Variants in IFIT1 observed in about 807,000 individuals in gnomAD.
IFIT1 encodes the protein interferon induced protein with tetratricopeptide repeats 1.
A neutral mutation model predicts 2.5 loss-of-function variants in IFIT1; 1 was observed. That is an observed-to-expected ratio of 0.40 (90% CI 0.14 to 1.92). The LOEUF is 1.92. Among genes scored for constraint, IFIT1 ranks in the 40% most tolerant of loss-of-function variants. IFIT1 has a pLI of 0.31. For missense variants in IFIT1, 508 were observed against 557.8 expected (o/e 0.91, Z 0.90); for synonymous variants, 191 against 201.7 (o/e 0.95, Z 0.45).
At chr10:89,400,578 T>A (rs2133626050) in intron 1 of IFIT1, among the ~76,000 whole-genome samples, 1 of 152,330 alleles carries the variant, frequency 6.6e-6, no homozygotes, top group African/African-American at 2.4e-5. Context: ...TTGGGATTTT[T>A]AAATTGTTAC....
intron 1 of IFIT1, among the ~76,000 whole-genome samples, chr10:89,398,637 T>C (rs1257858845): frequency 6.6e-6 from 1 of 152,252 alleles, no homozygotes; most frequent in Non-Finnish European, 1.5e-5. Flanking sequence ...AATATTGTCC[T>C]TTTGTGACTG....
In IFIT1 at chr10:89,402,471, G is replaced by A. The variant is rs771208487; in HGVS notation, c.196G>A (p.Gly66Ser). 2.5e-6 allele frequency: 4 copies of A among 1,614,178 alleles called. No individual in the cohort carries two copies. Among genetic ancestry groups the A allele is most frequent in the Non-Finnish European group, 2.5e-6 (3 of 1,180,036 alleles). Residue 66 changes from glycine to serine, a missense_variant, in exon 2 of 2, where the codon GGC (glycine) becomes AGC (serine). Physicochemically the swap from Gly to Ser is moderately conservative, Grantham distance 56. Coordinates refer to ENST00000371804, the MANE Select transcript of IFIT1 (RefSeq NM_001548.5). The stretch of plus-strand genomic sequence containing the variant: ...ACTAGCCTATGTGAAACACCTGAAA[G>A]GCCAGAATGAGGAAGCCCTGAAGAG... ...NLLAYVKHLK[G>S]QNEEALKSLK... is the part of the protein sequence containing the mutation.
intron 1 of IFIT1, among the ~76,000 whole-genome samples, chr10:89,396,331 G>T (rs986250671): frequency 3.9e-5 from 6 of 152,134 alleles, no homozygotes; most frequent in African/African-American, 9.7e-5. Context: ...AAGAAAAAAG[G>T]TTTATTTAGC....
chr10:89,393,195 G>A, intron 1 of IFIT1: 10 of 1,290,078 alleles, frequency 7.8e-6, no homozygotes, highest in Non-Finnish European at 1.0e-5. Flanking sequence ...GTAATACAGT[G>A]GAGATGTGGT....
At chr10:89,396,229 G>A (rs917048331) in intron 1 of IFIT1, among the ~76,000 whole-genome samples, 6 of 152,158 alleles carry the variant, frequency 3.9e-5, no homozygotes, top group African/African-American at 1.4e-4. Flanking sequence ...CAATGTATGA[G>A]GGTTTCAATT....
chr10:89,402,883 T>C lies in IFIT1; in HGVS notation c.608T>C (p.Leu203Ser). 1 of 1,614,244 alleles carries C rather than the reference T, an allele frequency of 6.2e-7. No homozygotes were observed. Among genetic ancestry groups the C allele is most frequent in the Middle Eastern group, 1.7e-4 (1 of 6,060 alleles). ...LATKNHKPFS[L>S]LPLRQAVRLN... ...ACAAAAAATCACAAGCCATTTTCTT[T>C]GCTTCCCCTAAGGCAGGCTGTCCGC... Residue 203 changes from leucine to serine, a missense_variant, in exon 2 of 2, where the codon TTG (leucine) becomes TCG (serine). Transcript: ENST00000371804.
At chr10:89,397,024 A>C (rs150658091) in intron 1 of IFIT1, among the ~76,000 whole-genome samples, 3 of 152,348 alleles carry the variant, frequency 2.0e-5, no homozygotes, top group African/African-American at 7.2e-5. Context: ...GGTTCTTTAT[A>C]AAATAGGGTC....
At chr10:89,397,646 G>A (rs1564808713) in intron 1 of IFIT1, among the ~76,000 whole-genome samples, 1 of 152,162 alleles carries the variant, frequency 6.6e-6, no homozygotes, top group East Asian at 1.9e-4. Flanking sequence ...AAAGTGCTAA[G>A]ATTATAGGCA....
In IFIT1 at chr10:89,405,437, G is replaced by A. The variant is rs933476482; in HGVS notation, c.*1725G>A. 2.6e-5 allele frequency: 4 copies of A among 152,132 alleles called. No homozygotes were observed. The highest frequency in any genetic ancestry group is 9.7e-5 in the African/African-American group (4 of 41,422). 9.4% of individuals were successfully genotyped at this position (152,132 alleles called of 1,614,324 possible). A position where few individuals can be genotyped will look rare whatever the true frequency, so the allele number is the denominator to read the frequency against. Reference sequence around the variant, plus strand: ...ATCTTTCATTCTGTATATGTTTTGGGGGGAATATACTAGTTTCTTTTAGTG... The same window carrying A: ...ATCTTTCATTCTGTATATGTTTTGGAGGGAATATACTAGTTTCTTTTAGTG... On this transcript the variant is annotated 3_prime_UTR_variant, in exon 2 of 2. Transcript: ENST00000371804.
In IFIT1 at chr10:89,403,075, T is replaced by G. The variant is rs745974961; in HGVS notation, c.800T>G (p.Val267Gly). The G allele has an allele frequency of 6.2e-7, 1 of 1,614,238 alleles. No individual in the cohort carries two copies. The highest frequency in any genetic ancestry group is 1.7e-5 in the Admixed American group (1 of 60,024). Reference protein sequence around the residue: ...AAKFYRRKGSVDKALELLKKA... With the variant: ...AAKFYRRKGSGDKALELLKKA... Reference sequence around the variant, plus strand: ...AAGTTTTACCGAAGAAAAGGCTCTGTGGATAAAGCTCTTGAGTTATTAAAA... The same window carrying G: ...AAGTTTTACCGAAGAAAAGGCTCTGGGGATAAAGCTCTTGAGTTATTAAAA... The change falls in exon 2 of 2, where the codon GTG (valine) becomes GGG (glycine). Residue 267 changes from valine (V) to glycine (G), a missense_variant. By Grantham distance (109) the Val-to-Gly change is moderately radical. Transcript: ENST00000371804.
Position 89,403,827 on chromosome 10 carries a change from C to A in IFIT1, c.*115C>A, listed in dbSNP as rs909132140. 1.6e-6 allele frequency: 1 copy of A among 633,400 alleles called. No homozygotes were observed. The highest frequency in any genetic ancestry group is 2.7e-6 in the Non-Finnish European group (1 of 375,578). The allele number at this position is 633,400 out of a possible 1,614,324, so 39.2% of individuals were successfully genotyped here. Reference sequence around the variant, plus strand: ...TATAATTCACTGTAATGATGTAATTCTTGAATAATAAATCTGACAAAATAT... The same window carrying A: ...TATAATTCACTGTAATGATGTAATTATTGAATAATAAATCTGACAAAATAT... On this transcript the variant is annotated 3_prime_UTR_variant, in exon 2 of 2. Transcript: ENST00000371804.
chr10:89,402,390 G>A lies in IFIT1; in HGVS notation c.115G>A (p.Val39Ile), dbSNP rs1221854926. The A allele has an allele frequency of 6.2e-7, 1 of 1,614,058 alleles. No individual in the cohort carries two copies. The highest frequency in any genetic ancestry group is 8.5e-7 in the Non-Finnish European group (1 of 1,180,002). The change falls in exon 2 of 2, where the codon GTC becomes ATC. Residue 39 changes from valine to isoleucine, a missense_variant. Val to Ile is a conservative substitution (Grantham distance 29). Transcript: ENST00000371804. ...TGAAATGCCTGATTTAGAAAACAGA[G>A]TCTTGGATCAGATTGAATTCCTAGA... ...DDEMPDLENR[V>I]LDQIEFLDTK...
chr10:89,393,316 T>C, intron 1 of IFIT1: 6 of 1,286,254 alleles, frequency 4.7e-6, no homozygotes, highest in Non-Finnish European at 6.1e-6. Flanking sequence ...ACAGATTGCC[T>C]CCTCCCTGGA....
At chr10:89,396,637 C>T (rs1031265453) in intron 1 of IFIT1, among the ~76,000 whole-genome samples, 1 of 152,154 alleles carries the variant, frequency 6.6e-6, no homozygotes, top group African/African-American at 2.4e-5. Context: ...CCCACTAGAC[C>T]CTACCTCCAA....
In IFIT1 at chr10:89,395,410, C is replaced by G. The variant is rs77419940; in HGVS notation, c.5+2693C>G. 9.4e-3 allele frequency among the ~76,000 whole-genome samples: 1,427 copies of G among 152,340 alleles called. 25 individuals carry two copies. Among genetic ancestry groups the G allele is most frequent in the African/African-American group, 0.033 (1,374 of 41,576 alleles). ...AATGGCTCCCCCTTTCCCATTGGCC[C>G]TGCAAGGCATATTACCCTCTTCTCT... is the stretch of plus-strand genomic sequence containing the variant. On this transcript the variant is annotated intron_variant, in intron 1 of 1. Coordinates refer to ENST00000371804, the MANE Select transcript of IFIT1 (RefSeq NM_001548.5).
chr10:89,402,851 A>G lies in IFIT1; in HGVS notation c.576A>G (p.Lys192=), dbSNP rs781755422. Reference sequence around the variant, plus strand: ...CTGCCTATCGCCTGGATGGCTTTAAATTAGCCACAAAAAATCACAAGCCAT... The same window carrying G: ...CTGCCTATCGCCTGGATGGCTTTAAGTTAGCCACAAAAAATCACAAGCCAT... The part of the protein sequence containing the change: ...AISAYRLDGF[K]LATKNHKPFS... The change falls in exon 2 of 2, where the codon AAA becomes AAG. Residue 192 remains lysine (K), a synonymous_variant. Transcript: ENST00000371804. The G allele has an allele frequency of 2.5e-6, 4 of 1,614,204 alleles. No homozygotes were observed. Among genetic ancestry groups the G allele is most frequent in the South Asian group, 1.1e-5 (1 of 91,082 alleles).
intron 1 of IFIT1, among the ~76,000 whole-genome samples, chr10:89,394,912 G>T (rs909960110): frequency 6.6e-6 from 1 of 151,652 alleles, no homozygotes; most frequent in African/African-American, 2.4e-5. Flanking sequence ...CCTATTGTGG[G>T]TATTTCATAT....
intron 1 of IFIT1, among the ~76,000 whole-genome samples, chr10:89,394,615 TATATATATATATAA>T (rs1419182628): frequency 0.059 from 1,747 of 29,596 alleles, 123 homozygotes; most frequent in African/African-American, 0.21. Flanking sequence ...TATATATATA[TATATATATATATAA>T]AACTTGAATT....
chr10:89,394,133 C>T (rs1360649098), intron 1 of IFIT1, among the ~76,000 whole-genome samples: 2 of 146,440 alleles, frequency 1.4e-5, no homozygotes, highest in African/African-American at 5.0e-5. Context: ...ACGGTATAGC[C>T]TACTACACAC....
Sources: allele counts gnomAD v4.1 joint callset (sites outside exome capture counted in the v4.1 genomes callset), GRCh38; gene constraint gnomAD v4.1.1; transcripts MANE v1.5; gene names NCBI Gene and HGNC (gene_info 2026-07-23, HGNC 2026-07-21).